Variants in PDCD11 observed in about 807,000 individuals in gnomAD.
PDCD11 encodes programmed cell death 11.
In PDCD11, 97 loss-of-function variants were observed where a neutral mutation model predicts 198.9. The ratio of observed to expected loss-of-function variants is 0.49; its 90% confidence interval spans 0.41 to 0.58. The LOEUF (loss-of-function observed/expected upper bound fraction) is 0.58, where lower values mean the gene tolerates loss of function less well. Among genes scored for constraint, PDCD11 ranks in the 20% least tolerant of loss-of-function variants. The pLI, the probability that PDCD11 is intolerant of heterozygous loss-of-function variation, is 0.00. For missense variants in PDCD11, 2,102 were observed against 2,312.7 expected, an observed-to-expected ratio of 0.91 and a Z score of 1.87; for synonymous variants, 893 against 918.0, an observed-to-expected ratio of 0.97 and a Z score of 0.49.
intron 14 of PDCD11, 70 bp downstream of exon 14, chr10:103,418,002 G>A (rs1437054216): frequency 2.6e-6 from 4 of 1,547,452 alleles, no homozygotes; most frequent in Admixed American, 1.8e-5. Context: ...CTAACACATG[G>A]CATATTGGAA....
chr10:103,418,660 C>T, intron 15 of PDCD11, 26 bp downstream of exon 15: 4 of 1,595,474 alleles, frequency 2.5e-6, no homozygotes, highest in Non-Finnish European at 3.4e-6. Context: ...ATCTGTGGAG[C>T]AGAGGAAGGT....
At chr10:103,430,817 A>T (rs1443024976) in intron 21 of PDCD11, among the ~76,000 whole-genome samples, 2 of 147,286 alleles carry the variant, frequency 1.4e-5, no homozygotes, top group African/African-American at 2.5e-5. Context: ...TTTTTTTTTT[A>T]AATGGAGTTT....
At chr10:103,444,789 C>A in intron 35 of PDCD11, 107 bp downstream of exon 35, 1 of 1,071,986 alleles carries the variant, frequency 9.3e-7, no homozygotes, top group Non-Finnish European at 1.4e-6. Flanking sequence ...ATCTAGAAAA[C>A]CAGCTAGATG....
At chr10:103,398,212 G>A (rs1001468382) in intron 1 of PDCD11, among the ~76,000 whole-genome samples, 7 of 152,160 alleles carry the variant, frequency 4.6e-5, no homozygotes, top group African/African-American at 1.7e-4. Context: ...GAAGAAGGTG[G>A]GTGGACTTGT....
rs2030371704 is a variant in PDCD11 at position 103,405,151 on chromosome 10, G to C, written c.532G>C (p.Val178Leu). ...LSLNPKNVNR[V>L]LSAEALKPGM... is the part of the protein sequence containing the mutation. ...TCTGAACCCCAAAAATGTCAACAGA[G>C]TGCTGAGTGCTGAGGCCCTGAAGCC... is the stretch of plus-strand genomic sequence containing the variant. Residue 178 changes from valine (V) to leucine (L), a missense_variant, in exon 5 of 36, where the codon GTG becomes CTG. Val to Leu is a conservative substitution (Grantham distance 32). Coordinates refer to ENST00000369797, the MANE Select transcript of PDCD11 (RefSeq NM_014976.2). 6.2e-7 allele frequency: 1 copy of C among 1,613,858 alleles called. No individual in the cohort carries two copies. The highest frequency in any genetic ancestry group is 8.5e-7 in the Non-Finnish European group (1 of 1,179,974).
At chr10:103,440,641 G>T (rs1321038872) in intron 29 of PDCD11, 60 bp downstream of exon 29, 1 of 1,611,074 alleles carries the variant, frequency 6.2e-7, no homozygotes, top group African/African-American at 1.3e-5. Context: ...AGCCATGAGG[G>T]CGTGGGGACA....
intron 3 of PDCD11, 80 bp from the exon 4 acceptor site, chr10:103,403,038 G>A: frequency 7.5e-7 from 1 of 1,326,344 alleles, no homozygotes; most frequent in Middle Eastern, 1.9e-4. Context: ...CTTTTAAATT[G>A]ACACTAGAAG....
chr10:103,409,844 TGTG>T (rs1487562472), intron 8 of PDCD11, 38 bp downstream of exon 8: 3 of 1,483,212 alleles, frequency 2.0e-6, no homozygotes, highest in Non-Finnish European at 2.8e-6. Flanking sequence ...TGATTCCAGT[TGTG>T]GTCCATTTGC....
At chr10:103,433,845 A>C (rs2032035538) in intron 22 of PDCD11, 103 bp from the exon 23 acceptor site, 1 of 836,448 alleles carries the variant, frequency 1.2e-6, no homozygotes, top group Non-Finnish European at 2.0e-6. Context: ...TCTCTTGGAA[A>C]AGTGTACTGG....
Position 103,445,869 on chromosome 10 carries a change from G to T in PDCD11, c.*320G>T. On this transcript the variant is annotated 3_prime_UTR_variant, in exon 36 of 36. Coordinates refer to ENST00000369797, the MANE Select transcript of PDCD11 (RefSeq NM_014976.2). The stretch of plus-strand genomic sequence containing the variant: ...GAGTTCCCTGGGGAGCAAGAGTAGA[G>T]GGGCTATTCCCGAGGGTCCTGTGGT... 3.5e-6 allele frequency: 1 copy of T among 283,144 alleles called. No individual in the cohort carries two copies. The highest frequency in any genetic ancestry group is 6.8e-6 in the Non-Finnish European group (1 of 147,890). The allele number at this position is 283,144 out of a possible 1,614,324, so 17.5% of individuals were successfully genotyped here. A position where few individuals can be genotyped will look rare whatever the true frequency, so the allele number is the denominator to read the frequency against.
Position 103,414,098 on chromosome 10 carries a change from T to C in PDCD11, c.1310+8T>C. 2 of 1,608,438 alleles carry C rather than the reference T, an allele frequency of 1.2e-6. No individual in the cohort carries two copies. Among genetic ancestry groups the C allele is most frequent in the Non-Finnish European group, 1.7e-6 (2 of 1,177,064 alleles). On this transcript the variant is annotated splice_region_variant and intron_variant, in intron 10 of 35. Transcript: ENST00000369797. ...CTTGCTCTCTCTACGAACGTAAGTCTGTCATTAACAGGTAGGGGTGTAGAG... is the reference window on the plus strand; with the variant it reads ...CTTGCTCTCTCTACGAACGTAAGTCCGTCATTAACAGGTAGGGGTGTAGAG...
At chr10:103,398,039 G>A (rs958352204) in intron 1 of PDCD11, among the ~76,000 whole-genome samples, 13 of 152,064 alleles carry the variant, frequency 8.5e-5, no homozygotes, top group Non-Finnish European at 1.5e-4. Context: ...AATCTGATTT[G>A]CATTTTAAGT....
chr10:103,438,057 G>A lies in PDCD11; in HGVS notation c.3888G>A (p.Ser1296=), dbSNP rs199717141. 29 of 1,613,308 alleles carry A rather than the reference G, an allele frequency of 1.8e-5. No individual in the cohort carries two copies. Among genetic ancestry groups the A allele is most frequent in the South Asian group, 8.8e-5 (8 of 91,060 alleles). Residue 1296 remains serine (S), a synonymous_variant, in exon 26 of 36, where the codon TCG becomes TCA. Transcript: ENST00000369797. ...CTGCAGACAACGTATTGACTTTGTCGCTGCGATCATCCAGGTGGGTTTCTG... is the reference window on the plus strand; with the variant it reads ...CTGCAGACAACGTATTGACTTTGTCACTGCGATCATCCAGGTGGGTTTCTG... ...LSTADNVLTL[S]LRSSRTNPET...
At chr10:103,403,841 A>T (rs141041616) in intron 4 of PDCD11, among the ~76,000 whole-genome samples, 28 of 152,228 alleles carry the variant, frequency 1.8e-4, no homozygotes, top group African/African-American at 6.7e-4. Context: ...AGGCAAAGTC[A>T]TTGCTTGGTG....
intron 29 of PDCD11, 42 bp downstream of exon 29, chr10:103,440,623 G>T: frequency 6.2e-7 from 1 of 1,609,448 alleles, no homozygotes; most frequent in Non-Finnish European, 8.5e-7. Flanking sequence ...TCCTCCTCCT[G>T]GAGGGACAGC....
Position 103,423,091 on chromosome 10 carries a change from T to C in PDCD11, c.2601T>C (p.Gly867=). 1 of 1,603,114 alleles carries C rather than the reference T, an allele frequency of 6.2e-7. No individual in the cohort carries two copies. Among genetic ancestry groups the C allele is most frequent in the Non-Finnish European group, 8.5e-7 (1 of 1,174,508 alleles). Residue 867 remains glycine, a synonymous_variant, in exon 18 of 36, where the codon GGT becomes GGC. Coordinates refer to ENST00000369797, the MANE Select transcript of PDCD11 (RefSeq NM_014976.2). ...ATGGCTCTGTGGTATTCAGTGGGGGTCCAGTGCCCGACCTGGTCCTGAAAG... is the reference window on the plus strand; with the variant it reads ...ATGGCTCTGTGGTATTCAGTGGGGGCCCAGTGCCCGACCTGGTCCTGAAAG... The part of the protein sequence containing the change: ...LEDGSVVFSG[G]PVPDLVLKAS...
intron 3 of PDCD11, 39 bp from the exon 4 acceptor site, chr10:103,403,079 C>G (rs1216519635): frequency 6.3e-7 from 1 of 1,588,810 alleles, no homozygotes; most frequent in Non-Finnish European, 8.6e-7. Flanking sequence ...TATTGTTGTT[C>G]CCATCCTTAT....
intron 16 of PDCD11, 144 bp from the exon 17 acceptor site, chr10:103,421,204 A>C: frequency 1.6e-6 from 1 of 628,842 alleles, no homozygotes; most frequent in Non-Finnish European, 2.8e-6. Context: ...ATGGAAGGGA[A>C]GTAGAGCTGT....
intron 8 of PDCD11, 35 bp downstream of exon 8, chr10:103,409,841 A>G (rs1205755314): frequency 6.7e-7 from 1 of 1,502,644 alleles, no homozygotes; most frequent in Non-Finnish European, 9.3e-7. Flanking sequence ...TCTTGATTCC[A>G]GTTGTGGTCC....
Sources: gnomAD v4.1 joint callset for allele counts (sites outside exome capture counted in the v4.1 genomes callset) on GRCh38, gnomAD v4.1.1 for gene constraint, MANE v1.5 for transcripts, NCBI Gene and HGNC (gene_info 2026-07-23, HGNC 2026-07-21) for gene names.